BBS2: variants seen among roughly 807,000 people sequenced by gnomAD.
The protein encoded by BBS2 is BBSome complex member BBS2.
BBS2 carries 62 observed loss-of-function variants against 83.0 expected under a neutral mutation model. The observed-to-expected ratio is 0.75, with a 90% CI of 0.61 to 0.92. BBS2 has a LOEUF of 0.92. BBS2 is among the 40% of genes least tolerant of loss of function. The pLI is 0.00. For missense variants in BBS2, 784 were observed against 901.0 expected (o/e 0.87, Z 1.66); for synonymous variants, 303 against 326.1 (o/e 0.93, Z 0.76).
In BBS2 at chr16:56,502,693, C is replaced by T. The variant is rs1964310161; in HGVS notation, c.920G>A (p.Cys307Tyr). 1.2e-6 allele frequency: 2 copies of T among 1,614,168 alleles called. No individual in the cohort carries two copies. Among genetic ancestry groups the T allele is most frequent in the Non-Finnish European group, 1.7e-6 (2 of 1,180,040 alleles). The change falls in exon 8 of 17, where the codon TGC becomes TAC. Residue 307 changes from cysteine (C) to tyrosine (Y), a missense_variant. Cys to Tyr is a radical substitution (Grantham distance 194, BLOSUM62 -2). Coordinates refer to ENST00000245157, the MANE Select transcript of BBS2 (RefSeq NM_031885.5). Reference protein sequence around the residue: ...YRMDGHIQLICCSVDGEIRGY... With the variant: ...YRMDGHIQLIYCSVDGEIRGY... ...TTTACTTTCCCCATCCACTGAGCAG[C>T]AGATTAACTGTATGTGGCCATCCAT...
intron 15 of BBS2, among the ~76,000 whole-genome samples, chr16:56,496,376 C>T (rs1278517690): frequency 6.6e-6 from 1 of 152,144 alleles, no homozygotes; most frequent in Non-Finnish European, 1.5e-5. Flanking sequence ...TTTTTCTGAA[C>T]ATAATCCCTC....
Position 56,486,207 on chromosome 16 carries a change from C to T in BBS2, c.1911-469G>A, listed in dbSNP as rs563699855. Among the ~76,000 whole-genome samples, 14 of 152,238 alleles carry T rather than the reference C, an allele frequency of 9.2e-5. No homozygotes were observed. In the South Asian group the frequency reaches 2.7e-3, roughly 29 times the overall value. On this transcript the variant is annotated intron_variant, in intron 15 of 16. Transcript: ENST00000245157. ...CTAAAGAAAAATATAGCTGAAGATA[C>T]CAAATGCTAGCAAAGATGTGGGACA...
rs1964159861 is a variant in BBS2, at chr16:56,497,943, A to G, written c.1660-63T>C. ...GATGTTAGACAAACTTAGCTAAAATAGTACCTGAATTTCCCCATACTCAAC... is the reference window on the plus strand; with the variant it reads ...GATGTTAGACAAACTTAGCTAAAATGGTACCTGAATTTCCCCATACTCAAC... On this transcript the variant is annotated intron_variant, in intron 13 of 16. Transcript: ENST00000245157. 73 of 1,557,816 alleles carry G rather than the reference A, an allele frequency of 4.7e-5. 5 individuals are homozygous for G. The South Asian group carries it at 7.6e-4, about 16-fold the overall frequency.
At chr16:56,495,215 T>C (rs1964083582) in intron 15 of BBS2, among the ~76,000 whole-genome samples, 3 of 152,124 alleles carry the variant, frequency 2.0e-5, no homozygotes, top group African/African-American at 2.4e-5. Context: ...TTTCAACTAA[T>C]ATATGAAGAA....
chr16:56,517,519 C>G lies in BBS2; in HGVS notation c.117+2227G>C, dbSNP rs150393857. On this transcript the variant is annotated intron_variant, in intron 1 of 16. Transcript: ENST00000245157. ...TCAAATGTTATTAGAGGCCATCTGA[C>G]CACCTGTCTAAGACACCAAGCTCCC... Among the ~76,000 whole-genome samples, 959 of 152,332 alleles carry G rather than the reference C, an allele frequency of 6.3e-3. 12 individuals are homozygous for G. Among genetic ancestry groups the G allele is most frequent in the African/African-American group, 0.022 (902 of 41,576 alleles).
intron 15 of BBS2, among the ~76,000 whole-genome samples, chr16:56,495,535 G>A (rs1964091882): frequency 6.6e-6 from 1 of 152,184 alleles, no homozygotes; most frequent in African/African-American, 2.4e-5. Context: ...AAGAGACTGA[G>A]TGGGCAAGCA....
intron 17 of BBS2, chr16:56,476,388 G>T (rs1420214696): frequency 5.2e-6 from 2 of 386,466 alleles, no homozygotes; most frequent in Non-Finnish European, 4.5e-6. Context: ...TTGCAGCTAA[G>T]TACTTATCTC....
At chr16:56,492,140 T>C (rs758378626) in intron 15 of BBS2, among the ~76,000 whole-genome samples, 18 of 152,072 alleles carry the variant, frequency 1.2e-4, no homozygotes, top group Non-Finnish European at 2.5e-4. Flanking sequence ...CCATATATGA[T>C]CTAGCAATCT....
exon 18 of BBS2, chr16:56,470,488 T>C: frequency 6.3e-7 from 1 of 1,597,906 alleles, no homozygotes. Context: ...GTTTTTCAGG[T>C]TTTATGAGAA....
downstream of BBS2, among the ~76,000 whole-genome samples, chr16:56,482,776 G>A (rs1406471127): frequency 6.6e-6 from 1 of 152,094 alleles, no homozygotes; most frequent in East Asian, 1.9e-4. Flanking sequence ...ATTTTTCCTA[G>A]GGAAGAGACT....
In BBS2 at chr16:56,511,015, G is replaced by A. The variant is rs149363369; in HGVS notation, c.472-94C>T. 1.2e-4 allele frequency: 180 copies of A among 1,558,258 alleles called. No homozygotes were observed. In the East Asian group the frequency reaches 2.6e-3, roughly 23 times the overall value. On this transcript the variant is annotated intron_variant, in intron 3 of 16. Transcript: ENST00000245157. ...TGAAGGAGAGGATTACACAAAACACGAATGAATGCTATTCGAATTATTCAT... is the reference window on the plus strand; with the variant it reads ...TGAAGGAGAGGATTACACAAAACACAAATGAATGCTATTCGAATTATTCAT...
intron 4 of BBS2, 40 bp downstream of exon 4, chr16:56,510,819 T>C (rs1405024459): frequency 1.2e-6 from 2 of 1,606,098 alleles, no homozygotes; most frequent in South Asian, 1.1e-5. Context: ...AAAATTCATT[T>C]GGCTGAACAC....
In BBS2 at chr16:56,497,729, C is replaced by G. The variant is rs1333669328; in HGVS notation, c.1797+14G>C. The G allele has an allele frequency of 6.2e-7, 1 of 1,612,868 alleles. No homozygotes were observed. The highest frequency in any genetic ancestry group is 1.3e-5 in the African/African-American group (1 of 74,868). On this transcript the variant is annotated intron_variant, in intron 14 of 16. Transcript: ENST00000245157. The stretch of plus-strand genomic sequence containing the variant: ...TACCACATTCTCACAAATGCATCTA[C>G]CGCATTCCCTCACCTTAACTAGCAC...
chr16:56,490,128 GCACACACACACACA>G (rs149944639), intron 15 of BBS2, among the ~76,000 whole-genome samples: 1 of 113,050 alleles, frequency 8.8e-6, no homozygotes, highest in Non-Finnish European at 2.2e-5. Context: ...ACACACACAC[GCACACACACACACA>G]CACACACAAA....
rs180904229 is a variant in BBS2 at position 56,487,445 on chromosome 16, A to G, written c.1911-1707T>C. On this transcript the variant is annotated intron_variant, in intron 15 of 16. Coordinates refer to ENST00000245157, the MANE Select transcript of BBS2 (RefSeq NM_031885.5). ...TGTTCATATGTACAAACACAAAACCATAATTATAGAATAAGATAATGTAAA... is the reference window on the plus strand; with the variant it reads ...TGTTCATATGTACAAACACAAAACCGTAATTATAGAATAAGATAATGTAAA... Among the ~76,000 whole-genome samples, 471 of 152,334 alleles carry G rather than the reference A, an allele frequency of 3.1e-3. 13 individuals carry two copies. In the South Asian group the frequency reaches 0.056, roughly 18 times the overall value.
At position 56,491,844 on chromosome 16, in the gene BBS2, A is replaced by G. The variant is rs150773188; in HGVS notation, c.1910+5123T>C. On this transcript the variant is annotated intron_variant, in intron 15 of 16. Coordinates refer to ENST00000245157, the MANE Select transcript of BBS2 (RefSeq NM_031885.5). ...CGACAGGTATATAAAAAGACGCCCA[A>G]TGCCACTAGTCATCAGGGAAATGCA... 3.7e-4 allele frequency among the ~76,000 whole-genome samples: 56 copies of G among 151,910 alleles called. No homozygotes were observed. In the East Asian group the frequency reaches 9.7e-3, roughly 26 times the overall value.
At position 56,500,942 on chromosome 16, in the gene BBS2, G is replaced by C. The variant is rs758529129; in HGVS notation, c.1309C>G (p.Leu437Val). The change falls in exon 11 of 17, where the codon CTC (leucine) becomes GTC (valine). Residue 437 changes from leucine (L) to valine (V), a missense_variant. Coordinates refer to ENST00000245157, the MANE Select transcript of BBS2 (RefSeq NM_031885.5). The stretch of plus-strand genomic sequence containing the variant: ...ATAGGGATGCAGATGGAACTGGAGA[G>C]GTTGTGAATGCTGGGATGTACCACG... ...SHVVHPSIHN[L>V]SSSICIPIVP... 2 of 1,614,134 alleles carry C rather than the reference G, an allele frequency of 1.2e-6. No individual in the cohort carries two copies. The highest frequency in any genetic ancestry group is 3.3e-5 in the Admixed American group (2 of 60,028).
chr16:56,481,054 A>G (rs1325221984), downstream of BBS2, among the ~76,000 whole-genome samples: 2 of 152,146 alleles, frequency 1.3e-5, no homozygotes, highest in African/African-American at 4.8e-5. Flanking sequence ...TGAGTTTCCA[A>G]ATGAAATTGG....
At chr16:56,496,574 T>C (rs1187452953) in intron 15 of BBS2, among the ~76,000 whole-genome samples, 1 of 152,258 alleles carries the variant, frequency 6.6e-6, no homozygotes, top group African/African-American at 2.4e-5. Flanking sequence ...CTTGCTCTTA[T>C]GTGTCATGGA....
Sources: gnomAD v4.1 joint callset for allele counts (sites outside exome capture counted in the v4.1 genomes callset) on GRCh38, gnomAD v4.1.1 for gene constraint, MANE v1.5 for transcripts, NCBI Gene and HGNC (gene_info 2026-07-23, HGNC 2026-07-21) for gene names.